Variants in TMEM39A observed in about 807,000 individuals in gnomAD.
TMEM39A encodes transmembrane protein 39A.
Under a neutral mutation model 51.9 loss-of-function variants are expected in TMEM39A, and 19 were observed. That is an observed-to-expected ratio of 0.37 (90% CI 0.26 to 0.54). The LOEUF (loss-of-function observed/expected upper bound fraction) is 0.54. TMEM39A is among the 20% of genes least tolerant of loss of function. The probability of loss-of-function intolerance (pLI) is 0.88; values close to 1 mark genes in which losing one functional copy is unlikely to be tolerated. For missense variants in TMEM39A, 433 were observed against 590.5 expected, an observed-to-expected ratio of 0.73 and a Z score of 2.76; for synonymous variants, 197 against 220.2, an observed-to-expected ratio of 0.89 and a Z score of 0.93.
Position 119,463,465 on chromosome 3 carries a change from G to C in TMEM39A, c.-204C>G. The C allele has an allele frequency of 2.5e-6, 1 of 397,374 alleles. No homozygotes were observed. Among genetic ancestry groups the C allele is most frequent in the Non-Finnish European group, 4.4e-6 (1 of 225,544 alleles). 24.6% of individuals were successfully genotyped at this position (397,374 alleles called of 1,614,324 possible). A position where few individuals can be genotyped will look rare whatever the true frequency, so the allele number is the denominator to read the frequency against. ...CAAACCAGCTGCTTGGACGCAGGCA[G>C]CCCCCGCCTAGAGAATCAAGAAAAG... On this transcript the variant is annotated 5_prime_UTR_variant, in exon 1 of 9. Coordinates refer to ENST00000319172, the MANE Select transcript of TMEM39A (RefSeq NM_018266.3).
At chr3:119,443,155 T>G (rs1224452577) in intron 5 of TMEM39A, among the ~76,000 whole-genome samples, 1 of 151,820 alleles carries the variant, frequency 6.6e-6, no homozygotes, top group Non-Finnish European at 1.5e-5. Context: ...CTGCTTCTTA[T>G]GGATAAGAAA....
chr3:119,435,299 A>C (rs768464652), intron 7 of TMEM39A: 9 of 985,302 alleles, frequency 9.1e-6, no homozygotes, highest in Non-Finnish European at 1.1e-5. Context: ...AAATTAGCAC[A>C]TTGTCAATCT....
chr3:119,433,911 C>T (rs2080931980), intron 8 of TMEM39A, among the ~76,000 whole-genome samples: 2 of 152,176 alleles, frequency 1.3e-5, no homozygotes, highest in South Asian at 4.1e-4. Context: ...AAGTGTCCCT[C>T]AATAACAAAC....
At chr3:119,460,195 C>A (rs116064614) in intron 2 of TMEM39A, among the ~76,000 whole-genome samples, 3,179 of 152,104 alleles carry the variant, frequency 0.021, 100 homozygotes, top group African/African-American at 0.072. Flanking sequence ...TCCCTCCCCC[C>A]AGTTAATTGC....
At chr3:119,451,830 C>CAAAAAAAAAAAAAAAAAAAAAAAAAA in intron 4 of TMEM39A, among the ~76,000 whole-genome samples, 1 of 54,304 alleles carries the variant, frequency 1.8e-5, no homozygotes, top group Non-Finnish European at 3.2e-5. Flanking sequence ...AACTCCGTCT[C>CAAAAAAAAAAAAAAAAAAAAAAAAAA]AAAAAAAAAA....
intron 2 of TMEM39A, 56 bp from the exon 3 acceptor site, chr3:119,458,296 C>T (rs2081292398): frequency 2.0e-6 from 3 of 1,479,928 alleles, no homozygotes; most frequent in Non-Finnish European, 2.8e-6. Flanking sequence ...TATCACAGAA[C>T]ATAAAGGGCT....
chr3:119,462,279 T>C, intron 1 of TMEM39A, 131 bp from the exon 2 acceptor site: 1 of 518,488 alleles, frequency 1.9e-6, no homozygotes, highest in Admixed American at 3.5e-5. Flanking sequence ...TGTCTACTAC[T>C]TACGTTATTC....
chr3:119,439,946 T>G (rs969282243), intron 5 of TMEM39A, among the ~76,000 whole-genome samples: 16 of 152,152 alleles, frequency 1.1e-4, no homozygotes, highest in Non-Finnish European at 2.4e-4. Context: ...TATTTTATTT[T>G]TGGTAGAAAC....
chr3:119,436,790 CAT>C lies in TMEM39A; in HGVS notation c.1111_1112del (p.Ile371LeufsTer21). 6.2e-7 allele frequency: 1 copy of C among 1,610,498 alleles called. No individual in the cohort carries two copies. The highest frequency in any genetic ancestry group is 8.5e-7 in the Non-Finnish European group (1 of 1,177,652). On this transcript the variant is annotated frameshift_variant and splice_region_variant, in exon 7 of 9. Coordinates refer to ENST00000319172, the MANE Select transcript of TMEM39A (RefSeq NM_018266.3). LOFTEE classifies it high-confidence loss of function. ...HGSYSNAPQH[I>X]WSENTIWPQG... ...ATGGTTTTACCCTCTAGCTTACTCA[CAT>C]GTGCTGTGGAGCATTGCTGTAGGAC...
At chr3:119,435,830 A>C in intron 7 of TMEM39A, 3 of 1,288,290 alleles carry the variant, frequency 2.3e-6, no homozygotes, top group Non-Finnish European at 3.0e-6. Flanking sequence ...AGTACTGTGG[A>C]TTGTATTTTC....
chr3:119,444,612 G>A (rs1434598761), intron 5 of TMEM39A, among the ~76,000 whole-genome samples: 2 of 152,048 alleles, frequency 1.3e-5, no homozygotes, highest in Non-Finnish European at 2.9e-5. Flanking sequence ...ATAAATTCAC[G>A]CTAACACTTC....
chr3:119,451,156 AG>A (rs2081192922), intron 4 of TMEM39A: 1 of 892,842 alleles, frequency 1.1e-6, no homozygotes, highest in Non-Finnish European at 1.4e-6. Flanking sequence ...AAACTCTGAA[AG>A]AAAAGATTAT....
chr3:119,462,180 T>C (rs2081347659), intron 1 of TMEM39A, 32 bp from the exon 2 acceptor site: 1 of 757,354 alleles, frequency 1.3e-6, no homozygotes, highest in African/African-American at 1.8e-5. Flanking sequence ...TAAACATCAG[T>C]AGACTATTTT....
At position 119,436,990 on chromosome 3, in the gene TMEM39A, C is replaced by T. The variant is rs2080978119; in HGVS notation, c.925-12G>A. ...TAGTACTGGGTACTCTGGAAGAGAT[C>T]AGAAGAGAGAGAAATGATCCATGCA... On this transcript the variant is annotated splice_polypyrimidine_tract_variant and intron_variant, in intron 6 of 8. Transcript: ENST00000319172. 1.2e-6 allele frequency: 2 copies of T among 1,603,428 alleles called. No homozygotes were observed. Among genetic ancestry groups the T allele is most frequent in the Non-Finnish European group, 1.7e-6 (2 of 1,171,714 alleles).
At chr3:119,449,252 A>G (rs1188845968) in intron 4 of TMEM39A, among the ~76,000 whole-genome samples, 1 of 152,202 alleles carries the variant, frequency 6.6e-6, no homozygotes, top group East Asian at 1.9e-4. Flanking sequence ...CTTCATACGC[A>G]TATGAAGATC....
At chr3:119,445,073 C>T (rs930788084) in intron 5 of TMEM39A, among the ~76,000 whole-genome samples, 3 of 151,460 alleles carry the variant, frequency 2.0e-5, no homozygotes, top group Non-Finnish European at 2.9e-5. Context: ...GAGCAAAACC[C>T]TGTCTCAAAA....
chr3:119,460,473 A>G (rs2081322663), intron 2 of TMEM39A, among the ~76,000 whole-genome samples: 1 of 152,130 alleles, frequency 6.6e-6, no homozygotes. Flanking sequence ...TTTCCTCATG[A>G]TATTTTACAT....
intron 3 of TMEM39A, among the ~76,000 whole-genome samples, chr3:119,454,762 C>A (rs1230818747): frequency 2.0e-5 from 3 of 152,140 alleles, no homozygotes; most frequent in Non-Finnish European, 4.4e-5. Flanking sequence ...GCACTCCAGC[C>A]TGCTGACAGA....
intron 4 of TMEM39A, among the ~76,000 whole-genome samples, chr3:119,448,908 G>C (rs1234460265): frequency 1.3e-5 from 2 of 152,192 alleles, no homozygotes; most frequent in African/African-American, 4.8e-5. Context: ...GGTCCTAGGG[G>C]TACAGTGGTA....
Sources: allele counts gnomAD v4.1 joint callset (sites outside exome capture counted in the v4.1 genomes callset), GRCh38; gene constraint gnomAD v4.1.1; transcripts MANE v1.5; gene names NCBI Gene and HGNC (gene_info 2026-07-23, HGNC 2026-07-21).